ZNF385D: variants seen among roughly 807,000 people sequenced by gnomAD.
ZNF385D encodes zinc finger protein 659.
In ZNF385D, 15 loss-of-function variants were observed where a neutral mutation model predicts 35.8. The ratio of observed to expected loss-of-function variants is 0.42; its 90% CI spans 0.28 to 0.64. ZNF385D has a LOEUF of 0.64. ZNF385D is among the 30% of genes least tolerant of loss of function. The pLI, the probability that ZNF385D is intolerant of heterozygous loss-of-function variation, is 0.23. For missense variants in ZNF385D, 474 were observed against 494.6 expected (o/e 0.96, Z 0.39); for synonymous variants, 212 against 186.8 (o/e 1.13, Z -1.10).
intron 3 of ZNF385D, among the ~76,000 whole-genome samples, chr3:22,152,391 A>C (rs1705295500): frequency 6.6e-6 from 1 of 152,164 alleles, no homozygotes; most frequent in South Asian, 2.1e-4. Context: ...AAATTACTAC[A>C]AATTTGTTGG....
In ZNF385D at chr3:21,419,134, T is replaced by C. The variant is rs1019413717; in HGVS notation, c.*2080A>G. 3 of 153,698 alleles carry C rather than the reference T, an allele frequency of 2.0e-5. No homozygotes were observed. The highest frequency in any genetic ancestry group is 7.2e-5 in the African/African-American group (3 of 41,436). 9.5% of individuals were successfully genotyped at this position (153,698 alleles called of 1,614,324 possible). A position where few individuals can be genotyped will look rare whatever the true frequency, so the allele number is the denominator to read the frequency against. On this transcript the variant is annotated 3_prime_UTR_variant, in exon 8 of 8. Coordinates refer to ENST00000281523, the MANE Select transcript of ZNF385D (RefSeq NM_024697.3). ...ACTGATGGAACACATTATCTTCCTT[T>C]CTTCCTTCCTTCCTTTTCTTCCCTT...
intron 3 of ZNF385D, among the ~76,000 whole-genome samples, chr3:21,801,371 G>A (rs1396354050): frequency 1.3e-5 from 2 of 152,268 alleles, no homozygotes; most frequent in Middle Eastern, 3.4e-3. Flanking sequence ...CCTCTGCCAT[G>A]TTTGAAGAGT....
At chr3:21,908,651 G>T (rs995930140) in intron 3 of ZNF385D, among the ~76,000 whole-genome samples, 3 of 151,988 alleles carry the variant, frequency 2.0e-5, no homozygotes, top group Non-Finnish European at 4.4e-5. Flanking sequence ...TTAAAATGAA[G>T]AAATTTGGCC....
chr3:21,897,583 G>T (rs185854456), intron 3 of ZNF385D, among the ~76,000 whole-genome samples: 1 of 152,128 alleles, frequency 6.6e-6, no homozygotes, highest in East Asian at 1.9e-4. Context: ...GGTTTCAGAC[G>T]ATTAAGATGA....
intron 3 of ZNF385D, among the ~76,000 whole-genome samples, chr3:22,025,954 C>T (rs1187623049): frequency 6.8e-6 from 1 of 146,792 alleles, no homozygotes; most frequent in Non-Finnish European, 1.5e-5. Context: ...GTGGCAGGGG[C>T]CAAGTGGCAG....
intron 3 of ZNF385D, among the ~76,000 whole-genome samples, chr3:22,125,611 C>T (rs559583740): frequency 1.4e-4 from 22 of 152,018 alleles, no homozygotes; most frequent in South Asian, 6.2e-4. Flanking sequence ...CTGGCATCAA[C>T]GTTTTATAGT....
At chr3:21,924,748 T>G (rs1404121942) in intron 3 of ZNF385D, among the ~76,000 whole-genome samples, 1 of 152,080 alleles carries the variant, frequency 6.6e-6, no homozygotes, top group East Asian at 1.9e-4. Context: ...CTCATTGCTC[T>G]CAGCCAAGGT....
At chr3:22,204,510 CTAAG>C (rs1314335456) in intron 2 of ZNF385D, among the ~76,000 whole-genome samples, 5 of 151,944 alleles carry the variant, frequency 3.3e-5, no homozygotes, top group South Asian at 2.1e-4. Context: ...CCCATACAAA[CTAAG>C]TAAGACACAA....
At chr3:21,781,217 G>T (rs1177221625) in intron 3 of ZNF385D, among the ~76,000 whole-genome samples, 1 of 151,972 alleles carries the variant, frequency 6.6e-6, no homozygotes, top group African/African-American at 2.4e-5. Flanking sequence ...TTCAAAGCGA[G>T]AAAAGGGAAA....
intron 2 of ZNF385D, among the ~76,000 whole-genome samples, chr3:22,202,823 C>G (rs984644339): frequency 2.0e-5 from 3 of 152,036 alleles, no homozygotes; most frequent in African/African-American, 7.2e-5. Flanking sequence ...TCATCTGGTG[C>G]CTATAAAGGG....
At chr3:21,978,651 T>C (rs140727295) in intron 3 of ZNF385D, among the ~76,000 whole-genome samples, 1 of 152,324 alleles carries the variant, frequency 6.6e-6, no homozygotes, top group African/African-American at 2.4e-5. Context: ...AATTACTCTT[T>C]TATGAGTACA....
At chr3:21,810,106 C>T (rs932004201) in intron 3 of ZNF385D, among the ~76,000 whole-genome samples, 1 of 152,034 alleles carries the variant, frequency 6.6e-6, no homozygotes, top group African/African-American at 2.4e-5. Flanking sequence ...CATTACAAGC[C>T]AATATACCTC....
chr3:22,196,180 AAAAT>A (rs1405302719), intron 2 of ZNF385D, among the ~76,000 whole-genome samples: 23 of 152,228 alleles, frequency 1.5e-4, no homozygotes, highest in Non-Finnish European at 3.2e-4. Context: ...TAAAAGTTAA[AAAAT>A]AAATAAATAA....
At chr3:21,869,224 T>C (rs1388759056) in intron 3 of ZNF385D, among the ~76,000 whole-genome samples, 1 of 152,130 alleles carries the variant, frequency 6.6e-6, no homozygotes, top group African/African-American at 2.4e-5. Flanking sequence ...GGCTAATGTG[T>C]TGGTATATTT....
chr3:22,138,584 T>C lies in ZNF385D; in HGVS notation c.325+30233A>G, dbSNP rs1162112024. Among the ~76,000 whole-genome samples, 9 of 151,450 alleles carry C rather than the reference T, an allele frequency of 5.9e-5. 1 individual carries two copies. Among genetic ancestry groups the C allele is most frequent in the African/African-American group, 2.2e-4 (9 of 41,246 alleles). On this transcript the variant is annotated intron_variant, in intron 3 of 5. Coordinates refer to the ZNF385D transcript ENST00000494108. ...AATGGGGAAAGGATTCCTTATTTAA[T>C]AAATGGTGCTGGGAAAACTGGCTAG... is the stretch of plus-strand genomic sequence containing the variant.
At chr3:21,608,512 T>C (rs1410682825) in intron 2 of ZNF385D, among the ~76,000 whole-genome samples, 1 of 152,216 alleles carries the variant, frequency 6.6e-6, no homozygotes, top group East Asian at 1.9e-4. Flanking sequence ...CAAGTTATTT[T>C]TACCTATTCT....
At chr3:21,681,707 A>AC (rs1553636535) in intron 1 of ZNF385D, among the ~76,000 whole-genome samples, 6 of 151,098 alleles carry the variant, frequency 4.0e-5, no homozygotes, top group Middle Eastern at 3.4e-3. Context: ...CGAAAAAAAA[A>AC]AAACAAACAA....
intron 2 of ZNF385D, among the ~76,000 whole-genome samples, chr3:22,354,092 C>T (rs1696041276): frequency 6.6e-6 from 1 of 152,112 alleles, no homozygotes; most frequent in Non-Finnish European, 1.5e-5. Flanking sequence ...ATCTGCTTCT[C>T]ACTAGCATCC....
At chr3:22,308,075 T>C (rs1033116400) in intron 2 of ZNF385D, among the ~76,000 whole-genome samples, 3 of 152,110 alleles carry the variant, frequency 2.0e-5, no homozygotes, top group Non-Finnish European at 4.4e-5. Flanking sequence ...GGAGGTAGAA[T>C]AGTTTAAAGC....
Sources: allele counts gnomAD v4.1 joint callset (sites outside exome capture counted in the v4.1 genomes callset), GRCh38; gene constraint gnomAD v4.1.1; transcripts MANE v1.5; gene names NCBI Gene and HGNC (gene_info 2026-07-23, HGNC 2026-07-21).